GPC6: variants seen among roughly 807,000 people sequenced by gnomAD.
The protein encoded by GPC6 is glypican-6.
GPC6 carries 14 observed loss-of-function variants against 55.2 expected under a neutral mutation model. That is an observed-to-expected ratio of 0.25 (90% CI 0.17 to 0.40). GPC6 has a LOEUF of 0.40. Ranked by LOEUF, GPC6 falls within the 10% of genes least tolerant of loss-of-function variation. GPC6 has a pLI of 1.00. For synonymous variants in GPC6, 278 were observed against 259.6 expected (o/e 1.07, Z -0.68); for missense variants, 641 against 708.5 (o/e 0.90, Z 1.08).
At chr13:93,904,901 T>C (rs1037782648) in intron 3 of GPC6, among the ~76,000 whole-genome samples, 1 of 151,484 alleles carries the variant, frequency 6.6e-6, no homozygotes, top group African/African-American at 2.4e-5. Context: ...GCATTAGGTA[T>C]ATCTCCCAAT....
intron 4 of GPC6, among the ~76,000 whole-genome samples, chr13:94,189,308 C>A (rs1251023573): frequency 1.3e-5 from 2 of 152,114 alleles, no homozygotes; most frequent in Non-Finnish European, 2.9e-5. Flanking sequence ...GTGAGTTTCA[C>A]ATAAGAGCAG....
chr13:94,132,633 C>T (rs1422214683), intron 4 of GPC6, among the ~76,000 whole-genome samples: 1 of 152,180 alleles, frequency 6.6e-6, no homozygotes, highest in Non-Finnish European at 1.5e-5. Flanking sequence ...TAGTTGCCCT[C>T]ACCTCCCTCA....
chr13:94,323,303 C>A (rs1876934945), intron 6 of GPC6, among the ~76,000 whole-genome samples: 1 of 152,152 alleles, frequency 6.6e-6, no homozygotes. Context: ...TGCTAATTAC[C>A]TAATCTCATC....
chr13:94,116,637 AC>A (rs1394647382), intron 4 of GPC6, among the ~76,000 whole-genome samples: 1 of 152,084 alleles, frequency 6.6e-6, no homozygotes, highest in Non-Finnish European at 1.5e-5. Flanking sequence ...AAGCATTGAA[AC>A]AAGTATGCCT....
chr13:93,944,909 G>T (rs1334718883), intron 3 of GPC6, among the ~76,000 whole-genome samples: 1 of 152,150 alleles, frequency 6.6e-6, no homozygotes, highest in Non-Finnish European at 1.5e-5. Flanking sequence ...TGGTGTGTGT[G>T]TTGGGGTGGG....
chr13:94,283,898 T>C (rs1471667662), intron 4 of GPC6, among the ~76,000 whole-genome samples: 2 of 152,198 alleles, frequency 1.3e-5, no homozygotes, highest in East Asian at 3.8e-4. Flanking sequence ...GATGGCAGCC[T>C]CTGGAGTAAG....
chr13:93,540,633 TA>T lies in GPC6; in HGVS notation c.161-4629del, dbSNP rs539563371. Among the ~76,000 whole-genome samples the T allele has an allele frequency of 3.5e-4, 53 of 152,286 alleles. No homozygotes were observed. The South Asian group carries it at 4.8e-3, about 14-fold the overall frequency. On this transcript the variant is annotated intron_variant, in intron 1 of 8. Transcript: ENST00000377047. ...ATACATAAAATGTTTAGTGATCAGA[TA>T]GGGGGATTAGCATGTCTATCATCTT... is the stretch of plus-strand genomic sequence containing the variant.
chr13:94,003,022 G>C (rs1419602306), intron 3 of GPC6, among the ~76,000 whole-genome samples: 1 of 152,138 alleles, frequency 6.6e-6, no homozygotes, highest in African/African-American at 2.4e-5. Flanking sequence ...TCTTGAAAGA[G>C]GCAAAAATTG....
chr13:93,650,274 A>T (rs904473726), intron 2 of GPC6, among the ~76,000 whole-genome samples: 1 of 152,156 alleles, frequency 6.6e-6, no homozygotes, highest in East Asian at 1.9e-4. Flanking sequence ...TTATAGATGG[A>T]TCTAAATAAT....
chr13:93,796,992 A>G (rs773252044), intron 2 of GPC6, among the ~76,000 whole-genome samples: 12 of 152,264 alleles, frequency 7.9e-5, no homozygotes, highest in Non-Finnish European at 1.8e-4. Flanking sequence ...TACCTGCTGA[A>G]TTTCCACAAG....
intron 1 of GPC6, among the ~76,000 whole-genome samples, chr13:93,394,793 A>G (rs1027181455): frequency 1.4e-5 from 2 of 138,978 alleles, no homozygotes; most frequent in Non-Finnish European, 3.2e-5. Flanking sequence ...GTATTAGGTA[A>G]TTTTATTTAT....
intron 4 of GPC6, among the ~76,000 whole-genome samples, chr13:94,284,793 CA>C (rs1336692096): frequency 1.3e-5 from 2 of 151,372 alleles, no homozygotes; most frequent in Non-Finnish European, 2.9e-5. Context: ...GATTTATCAA[CA>C]GGTATTTTGA....
chr13:93,583,337 A>G (rs1877024281), intron 2 of GPC6, among the ~76,000 whole-genome samples: 1 of 140,370 alleles, frequency 7.1e-6, no homozygotes, highest in African/African-American at 3.2e-5. Flanking sequence ...AGTAATGCAC[A>G]TTGTGTGTGT....
At chr13:93,348,462 T>G (rs1460762896) in intron 1 of GPC6, among the ~76,000 whole-genome samples, 1 of 152,212 alleles carries the variant, frequency 6.6e-6, no homozygotes, top group African/African-American at 2.4e-5. Flanking sequence ...CTTACTTGCA[T>G]TATTTATTTG....
chr13:93,615,438 TCAGTGAAAAAGGTAACTGATGCCAGG>T (rs1241347241), intron 2 of GPC6, among the ~76,000 whole-genome samples: 1 of 152,260 alleles, frequency 6.6e-6, no homozygotes, highest in East Asian at 1.9e-4. Context: ...TAATAGATAT[TCAGTGAAAAAGGTAACTGATGCCAGG>T]CAGTTTATGT....
At chr13:93,603,395 T>A (rs1263343113) in intron 2 of GPC6, among the ~76,000 whole-genome samples, 2 of 152,222 alleles carry the variant, frequency 1.3e-5, no homozygotes, top group Non-Finnish European at 2.9e-5. Context: ...AGTATTTCAA[T>A]TAGTTGTTTT....
At chr13:94,025,313 A>G (rs564671607) in intron 3 of GPC6, among the ~76,000 whole-genome samples, 4 of 152,354 alleles carry the variant, frequency 2.6e-5, no homozygotes, top group African/African-American at 9.6e-5. Context: ...CATGCCCAGT[A>G]AGTTTGCAAG....
At chr13:94,182,386 G>A (rs1333198719) in intron 4 of GPC6, among the ~76,000 whole-genome samples, 6 of 152,194 alleles carry the variant, frequency 3.9e-5, no homozygotes, top group Non-Finnish European at 8.8e-5. Flanking sequence ...GGGACTATAG[G>A]ATGGCTGCAG....
rs148108629 is a variant in GPC6, at chr13:94,233,302, T to C, written c.878-53047T>C. Among the ~76,000 whole-genome samples, 208 of 152,230 alleles carry C rather than the reference T, an allele frequency of 1.4e-3. 2 individuals carry two copies. The highest frequency in any genetic ancestry group is 1.2e-3 in the South Asian group (6 of 4,830). ...ACAATAACAACAAAAAAGACAGGCCTAAGAGGTGCTAAAAAATTGGGAGCC... is the reference window on the plus strand; with the variant it reads ...ACAATAACAACAAAAAAGACAGGCCCAAGAGGTGCTAAAAAATTGGGAGCC... On this transcript the variant is annotated intron_variant, in intron 4 of 8. Transcript: ENST00000377047.
Sources: allele counts gnomAD v4.1 joint callset (sites outside exome capture counted in the v4.1 genomes callset), GRCh38; gene constraint gnomAD v4.1.1; transcripts MANE v1.5; gene names NCBI Gene and HGNC (gene_info 2026-07-23, HGNC 2026-07-21).